The following ZMYM6 variants were observed in gnomAD, a reference collection of about 807,000 sequenced individuals.
ZMYM6 encodes zinc finger MYM-type containing 6.
Under a neutral mutation model 134.0 loss-of-function variants are expected in ZMYM6, and 90 were observed. The observed-to-expected ratio is 0.67, with a 90% CI of 0.57 to 0.80. The LOEUF (loss-of-function observed/expected upper bound fraction) is 0.80. Ranked by LOEUF, ZMYM6 falls within the 30% of genes least tolerant of loss-of-function variation. The pLI is 0.00. For missense variants in ZMYM6, 1,362 were observed against 1,533.9 expected (o/e 0.89, Z 1.87); for synonymous variants, 481 against 524.1 (o/e 0.92, Z 1.12).
intron 15 of ZMYM6, chr1:34,989,213 G>C: frequency 8.6e-7 from 1 of 1,158,976 alleles, no homozygotes; most frequent in Non-Finnish European, 1.1e-6. Flanking sequence ...TTGAAATTAG[G>C]GCTGAAGACC....
At chr1:35,010,708 G>T in intron 9 of ZMYM6, 50 bp downstream of exon 9, 10 of 1,537,578 alleles carry the variant, frequency 6.5e-6, no homozygotes, top group Non-Finnish European at 8.7e-6. Context: ...ACACAAAAGT[G>T]TTTCTACTGG....
At chr1:35,019,288 T>C (rs1334362257) in intron 4 of ZMYM6, 65 bp downstream of exon 4, 6 of 1,603,558 alleles carry the variant, frequency 3.7e-6, no homozygotes, top group Non-Finnish European at 4.3e-6. Context: ...AACAGTATGT[T>C]TGAACTAAAC....
At chr1:35,008,995 T>C (rs928694483) in intron 10 of ZMYM6, 71 bp from the exon 11 acceptor site, 20 of 1,482,560 alleles carry the variant, frequency 1.3e-5, no homozygotes, top group African/African-American at 7.0e-5. Context: ...TAAGTTTCTG[T>C]GGTCTTAGAT....
In ZMYM6 at chr1:34,992,384, T is replaced by C. The variant is rs755633464; in HGVS notation, c.1996A>G (p.Ser666Gly). The C allele has an allele frequency of 6.2e-6, 10 of 1,610,504 alleles. No homozygotes were observed. The highest frequency in any genetic ancestry group is 5.1e-5 in the Admixed American group (3 of 58,632). ...AATTTCATAGCATCTTCCTGTGTAC[T>C]TTCCTAGTTAAAAGCAAATTCAGAA... Reference protein sequence around the residue: ...KEAAKIIQDESTQEDAMKFPS... With the variant: ...KEAAKIIQDEGTQEDAMKFPS... The change falls in exon 15 of 16, where the codon AGT (serine) becomes GGT (glycine). Residue 666 changes from serine to glycine, a missense_variant. By Grantham distance (56) the Ser-to-Gly change is moderately conservative. This residue lies in a region of ZMYM6 where 824 missense variants were observed against 940.9 expected (regional missense o/e 0.88). Transcript: ENST00000357182.
In ZMYM6 at chr1:34,993,920, C is replaced by T. The variant is rs530834824; in HGVS notation, c.1993-1533G>A. Among the ~76,000 whole-genome samples the T allele has an allele frequency of 2.6e-5, 4 of 151,808 alleles. No homozygotes were observed. The East Asian group carries it at 5.9e-4, about 22-fold the overall frequency. On this transcript the variant is annotated intron_variant, in intron 14 of 15. Transcript: ENST00000357182. The stretch of plus-strand genomic sequence containing the variant: ...CAGGATGGTCTCAATCTCCTGACCT[C>T]GTGATCCACCCACCTTGGCCTCCCA...
chr1:34,991,582 CAA>C lies in ZMYM6; in HGVS notation c.2146+650_2146+651del, dbSNP rs532856874. On this transcript the variant is annotated intron_variant, in intron 15 of 15. Coordinates refer to ENST00000357182, the MANE Select transcript of ZMYM6 (RefSeq NM_007167.4). ...GTCAGGAGTTCAAAACCAGCCTGGT[CAA>C]AGTGATGAAACCCCGTCTCTACTAA... is the stretch of plus-strand genomic sequence containing the variant. Among the ~76,000 whole-genome samples the C allele has an allele frequency of 3.6e-4, 55 of 152,154 alleles. No individual in the cohort carries two copies. The South Asian group carries it at 0.011, about 32-fold the overall frequency.
chr1:35,000,803 C>A (rs1173478722), intron 14 of ZMYM6, among the ~76,000 whole-genome samples: 1 of 152,032 alleles, frequency 6.6e-6, no homozygotes, highest in Admixed American at 6.6e-5. Flanking sequence ...GGGAGACTAA[C>A]TGGTAGTAGT....
intron 6 of ZMYM6, chr1:35,013,483 T>C (rs114022241): frequency 1.2e-5 from 12 of 985,164 alleles, no homozygotes; most frequent in Middle Eastern, 1.0e-3. Context: ...GGAACTGATT[T>C]TGGGATCATA....
At position 35,002,250 on chromosome 1, in the gene ZMYM6, A is replaced by C. The variant is rs571023248; in HGVS notation, c.1992+1718T>G. On this transcript the variant is annotated intron_variant, in intron 14 of 15. Transcript: ENST00000357182. ...CAAATCTACCTTCTGTTCTACTTACACAGATTCCTTATTAGCAGGTGTTAT... is the reference window on the plus strand; with the variant it reads ...CAAATCTACCTTCTGTTCTACTTACCCAGATTCCTTATTAGCAGGTGTTAT... Among the ~76,000 whole-genome samples, 147 of 152,340 alleles carry C rather than the reference A, an allele frequency of 9.6e-4. 1 individual carries two copies. The highest frequency in any genetic ancestry group is 1.6e-3 in the Non-Finnish European group (110 of 68,036).
chr1:35,010,563 G>C lies in ZMYM6; in HGVS notation c.1376C>G (p.Ser459Cys). 6.2e-7 allele frequency: 1 copy of C among 1,613,230 alleles called. No homozygotes were observed. Among genetic ancestry groups the C allele is most frequent in the Non-Finnish European group, 8.5e-7 (1 of 1,179,842 alleles). Residue 459 changes from serine (S) to cysteine (C), a missense_variant, in exon 10 of 16, where the codon TCT (serine) becomes TGT (cysteine). Around this residue, in one of 3 missense-constraint regions of ZMYM6, gnomAD observed 35 missense variants for 72.2 expected, o/e 0.48. Coordinates refer to ENST00000357182, the MANE Select transcript of ZMYM6 (RefSeq NM_007167.4). ...TTTATTTTTCTTCTTGTATTCATCAGAGCAATTCTTGCCACAAAACAGAAA... is the reference window on the plus strand; with the variant it reads ...TTTATTTTTCTTCTTGTATTCATCACAGCAATTCTTGCCACAAAACAGAAA... ...KMFLFCGKNC[S>C]DEYKKKNKVV... is the part of the protein sequence containing the mutation.
chr1:35,029,008 T>C (rs1641468218), intron 2 of ZMYM6, among the ~76,000 whole-genome samples: 1 of 151,468 alleles, frequency 6.6e-6, no homozygotes, highest in South Asian at 2.1e-4. Context: ...CTAGCCAACA[T>C]GGTGAAACCC....
At chr1:35,018,600 T>C (rs1231551995) in intron 4 of ZMYM6, 4 of 152,194 alleles carry the variant, frequency 2.6e-5, no homozygotes, top group Non-Finnish European at 5.9e-5. Flanking sequence ...GGCCATTTGC[T>C]AACACTGTCT....
At position 34,987,964 on chromosome 1, in the gene ZMYM6, T is replaced by C. The variant is rs1401594275; in HGVS notation, c.3118A>G (p.Ile1040Val). The C allele has an allele frequency of 6.4e-7, 1 of 1,551,498 alleles. No homozygotes were observed. The highest frequency in any genetic ancestry group is 1.4e-5 in the African/African-American group (1 of 73,056). ...LLQSAQILSF[I>V]KSNALNSRML... ...CGTGAATTTAATGCATTGCTCTTTA[T>C]AAAACTTAAAATTTGTGCTGACTGC... Residue 1040 changes from isoleucine to valine, a missense_variant, in exon 16 of 16, where the codon ATA (isoleucine) becomes GTA (valine). Physicochemically the swap from Ile to Val is conservative, Grantham distance 29. Coordinates refer to ENST00000357182, the MANE Select transcript of ZMYM6 (RefSeq NM_007167.4).
At chr1:34,992,486 A>G in intron 14 of ZMYM6, 99 bp from the exon 15 acceptor site, 6 of 1,278,774 alleles carry the variant, frequency 4.7e-6, no homozygotes, top group Non-Finnish European at 6.4e-6. Context: ...ACATCAAGAG[A>G]AATATAATTC....
intron 8 of ZMYM6, 132 bp from the exon 9 acceptor site, chr1:35,011,168 G>C: frequency 1.1e-6 from 1 of 929,328 alleles, no homozygotes; most frequent in Non-Finnish European, 1.6e-6. Flanking sequence ...CACAGAAAGA[G>C]TTTAAATGGT....
In ZMYM6 at chr1:35,019,588, G is replaced by C; in HGVS notation, c.193C>G (p.Pro65Ala). The C allele has an allele frequency of 6.3e-7, 1 of 1,597,058 alleles. No homozygotes were observed. The highest frequency in any genetic ancestry group is 8.5e-7 in the Non-Finnish European group (1 of 1,175,642). The part of the protein sequence containing the change: ...NERPIAQQLN[P>A]GFQLSFASSG... ...GATGCAAAAGAAAGCTGAAAGCCTG[G>C]GTTCAACTGCTGGGCTATCAAAACA... The change falls in exon 4 of 16, where the codon CCA becomes GCA. Residue 65 changes from proline (P) to alanine (A), a missense_variant. Pro to Ala is a conservative substitution (Grantham distance 27, BLOSUM62 -1). This residue lies in a region of ZMYM6 where 503 missense variants were observed against 520.8 expected (regional missense o/e 0.97). Transcript: ENST00000357182.
rs1235717764 is a variant in ZMYM6, at chr1:35,019,528, C to T, written c.253G>A (p.Ala85Thr). 1.2e-6 allele frequency: 2 copies of T among 1,613,940 alleles called. No homozygotes were observed. Among genetic ancestry groups the T allele is most frequent in the Non-Finnish European group, 1.7e-6 (2 of 1,180,032 alleles). Residue 85 changes from alanine to threonine, a missense_variant, in exon 4 of 16, where the codon GCT (alanine) becomes ACT (threonine). Coordinates refer to ENST00000357182, the MANE Select transcript of ZMYM6 (RefSeq NM_007167.4). ...GAACAAAAAACCTTAATAGCAACAG[C>T]TGGAACTGAAGGAAGCAACACACTT... ...GPSVLLPSVP[A>T]VAIKVFCSGC...
Position 35,005,149 on chromosome 1 carries a change from G to A in ZMYM6, c.1937C>T (p.Thr646Ile), listed in dbSNP as rs528880192. ...AGTCATACCTTTTAAAACACTGTTAGTGTTCCCTGTAGATAAGGTAGCAGG... is the reference window on the plus strand; with the variant it reads ...AGTCATACCTTTTAAAACACTGTTAATGTTCCCTGTAGATAAGGTAGCAGG... The part of the protein sequence containing the change: ...KIPATLSTGN[T>I]NSVLKGAVTK... Residue 646 changes from threonine (T) to isoleucine (I), a missense_variant, in exon 13 of 16, where the codon ACT becomes ATT. Physicochemically the swap from Thr to Ile is moderately conservative, Grantham distance 89. Coordinates refer to ENST00000357182, the MANE Select transcript of ZMYM6 (RefSeq NM_007167.4). 1.1e-5 allele frequency: 18 copies of A among 1,614,092 alleles called. No homozygotes were observed. In the South Asian group the frequency reaches 1.9e-4, roughly 17 times the overall value.
intron 2 of ZMYM6, among the ~76,000 whole-genome samples, chr1:35,025,138 T>C (rs1336171177): frequency 6.7e-6 from 1 of 148,756 alleles, no homozygotes; most frequent in Non-Finnish European, 1.5e-5. Context: ...CCCAAAGTGC[T>C]GGGATTACAG....
Sources: gnomAD v4.1 joint callset for allele counts (sites outside exome capture counted in the v4.1 genomes callset) on GRCh38, gnomAD v4.1.1 for gene constraint, gnomAD v4.1.1 regional missense constraint, MANE v1.5 for transcripts, NCBI Gene and HGNC (gene_info 2026-07-23, HGNC 2026-07-21) for gene names.